Variants in CNTNAP5 observed in about 807,000 individuals in gnomAD.
CNTNAP5 encodes the protein contactin associated protein family member 5.
Under a neutral mutation model 150.2 loss-of-function variants are expected in CNTNAP5, and 72 were observed. The ratio of observed to expected loss-of-function variants is 0.48; its 90% CI spans 0.40 to 0.58. The LOEUF (loss-of-function observed/expected upper bound fraction) is 0.58. Ranked by LOEUF, CNTNAP5 falls within the 20% of genes least tolerant of loss-of-function variation. The probability of loss-of-function intolerance (pLI) is 0.00; values close to 1 mark genes in which losing one functional copy is unlikely to be tolerated. For synonymous variants in CNTNAP5, 672 were observed against 619.8 expected (o/e 1.08, Z -1.25); for missense variants, 1,636 against 1,626.2 (o/e 1.01, Z -0.10).
chr2:124,269,761 A>C (rs1014101227), intron 3 of CNTNAP5, among the ~76,000 whole-genome samples: 2 of 151,526 alleles, frequency 1.3e-5, no homozygotes, highest in African/African-American at 4.9e-5. Context: ...ACAGCATGTG[A>C]TGGAGCAAAG....
intron 13 of CNTNAP5, among the ~76,000 whole-genome samples, chr2:124,739,549 G>T (rs11694621): frequency 0.26 from 39,345 of 151,928 alleles, 5,663 homozygotes; most frequent in Non-Finnish European, 0.34. Context: ...TGGTGGCCTC[G>T]TTCTCTAGAT....
chr2:124,124,537 C>T (rs564067348), intron 1 of CNTNAP5, among the ~76,000 whole-genome samples: 31 of 152,206 alleles, frequency 2.0e-4, no homozygotes, highest in Non-Finnish European at 2.9e-4. Context: ...GGCAGGCCTA[C>T]GTTCAAATTC....
At chr2:124,119,009 T>C (rs1344107779) in intron 1 of CNTNAP5, among the ~76,000 whole-genome samples, 1 of 152,204 alleles carries the variant, frequency 6.6e-6, no homozygotes, top group Non-Finnish European at 1.5e-5. Context: ...GAATTCACAC[T>C]GGCTTTCTTT....
chr2:124,100,507 G>T (rs191796654), intron 1 of CNTNAP5, among the ~76,000 whole-genome samples: 51 of 152,284 alleles, frequency 3.3e-4, no homozygotes, highest in Non-Finnish European at 5.9e-4. Context: ...ATCTAGCATT[G>T]TTCAGAGTCT....
intron 13 of CNTNAP5, among the ~76,000 whole-genome samples, chr2:124,661,847 A>G (rs1052412580): frequency 3.3e-5 from 5 of 149,792 alleles, no homozygotes; most frequent in Admixed American, 3.3e-4. Context: ...TAAATTTTAT[A>G]GCTCCATTAT....
At chr2:124,787,263 T>A (rs1403936999) in intron 17 of CNTNAP5, among the ~76,000 whole-genome samples, 1 of 152,216 alleles carries the variant, frequency 6.6e-6, no homozygotes, top group East Asian at 1.9e-4. Context: ...ACAAAACATT[T>A]GACTACATAT....
intron 6 of CNTNAP5, among the ~76,000 whole-genome samples, chr2:124,461,700 T>A (rs1435228529): frequency 1.3e-5 from 2 of 151,234 alleles, no homozygotes; most frequent in African/African-American, 4.9e-5. Flanking sequence ...CAATAAAAAA[T>A]ACAAAAATTA....
At chr2:124,220,959 C>A (rs1686292711) in intron 1 of CNTNAP5, among the ~76,000 whole-genome samples, 1 of 152,110 alleles carries the variant, frequency 6.6e-6, no homozygotes, top group South Asian at 2.1e-4. Flanking sequence ...TCAGTGTCAA[C>A]CCGGAGGGGT....
intron 5 of CNTNAP5, among the ~76,000 whole-genome samples, chr2:124,441,545 T>G (rs1692674385): frequency 6.6e-6 from 1 of 152,074 alleles, no homozygotes; most frequent in Non-Finnish European, 1.5e-5. Flanking sequence ...TTCTATTTAT[T>G]AAATATTACT....
intron 3 of CNTNAP5, among the ~76,000 whole-genome samples, chr2:124,256,236 A>C (rs563981125): frequency 6.6e-5 from 10 of 152,290 alleles, no homozygotes; most frequent in African/African-American, 2.2e-4. Flanking sequence ...TCTAGCTGCC[A>C]TCAATTCAGA....
chr2:124,124,015 T>G (rs1299863471), intron 1 of CNTNAP5, among the ~76,000 whole-genome samples: 1 of 152,132 alleles, frequency 6.6e-6, no homozygotes, highest in Admixed American at 6.5e-5. Flanking sequence ...TCCAAAGTAA[T>G]GCAACTCTTC....
intron 19 of CNTNAP5, among the ~76,000 whole-genome samples, chr2:124,836,027 T>C (rs1682822322): frequency 6.6e-6 from 1 of 152,040 alleles, no homozygotes. Flanking sequence ...GGCATGCTAT[T>C]AGTAGACCAT....
At chr2:124,280,416 C>T (rs997959432) in intron 3 of CNTNAP5, among the ~76,000 whole-genome samples, 24 of 152,060 alleles carry the variant, frequency 1.6e-4, no homozygotes, top group African/African-American at 5.1e-4. Flanking sequence ...GAAATCCACC[C>T]GCCTTGGCCT....
At chr2:124,440,255 T>C (rs910264015) in intron 5 of CNTNAP5, among the ~76,000 whole-genome samples, 1 of 152,184 alleles carries the variant, frequency 6.6e-6, no homozygotes, top group Non-Finnish European at 1.5e-5. Flanking sequence ...GAAAGTTGAT[T>C]CTGATGATCT....
At chr2:124,125,469 C>T (rs571633633) in intron 1 of CNTNAP5, among the ~76,000 whole-genome samples, 14 of 152,264 alleles carry the variant, frequency 9.2e-5, no homozygotes, top group African/African-American at 2.2e-4. Flanking sequence ...CAATGGGAGA[C>T]GTTAACAGCC....
chr2:124,125,899 G>C (rs1044088864), intron 1 of CNTNAP5, among the ~76,000 whole-genome samples: 1 of 152,120 alleles, frequency 6.6e-6, no homozygotes, highest in African/African-American at 2.4e-5. Context: ...GAATCTCTGG[G>C]ACACATTTAA....
At chr2:124,219,433 T>C (rs1404943359) in intron 1 of CNTNAP5, among the ~76,000 whole-genome samples, 1 of 152,142 alleles carries the variant, frequency 6.6e-6, no homozygotes, top group Admixed American at 6.6e-5. Flanking sequence ...GCTACAACTT[T>C]CCAGTGGAAG....
chr2:124,877,750 A>C (rs1190056332), intron 21 of CNTNAP5, among the ~76,000 whole-genome samples: 2 of 152,088 alleles, frequency 1.3e-5, no homozygotes, highest in African/African-American at 4.8e-5. Context: ...GGCTATGCTA[A>C]ATATTAGATT....
intron 10 of CNTNAP5, among the ~76,000 whole-genome samples, chr2:124,531,865 C>T (rs551544981): frequency 1.0e-3 from 159 of 152,246 alleles, no homozygotes; most frequent in Admixed American, 4.0e-3. Flanking sequence ...TCATTTGGGC[C>T]GAGCTTGCTT....
Sources: gnomAD v4.1 joint callset for allele counts (sites outside exome capture counted in the v4.1 genomes callset) on GRCh38, gnomAD v4.1.1 for gene constraint, MANE v1.5 for transcripts, NCBI Gene and HGNC (gene_info 2026-07-23, HGNC 2026-07-21) for gene names.